Variants in TNS1 observed in about 807,000 individuals in gnomAD.
TNS1 encodes the protein tensin-1.
Under a neutral mutation model 168.6 loss-of-function variants are expected in TNS1, and 62 were observed. The observed-to-expected ratio is 0.37, with a 90% CI of 0.30 to 0.45. The LOEUF is 0.45. Among genes scored for constraint, TNS1 ranks in the 20% least tolerant of loss-of-function variants. TNS1 has a pLI of 1.00. For synonymous variants in TNS1, 934 were observed against 933.2 expected, an observed-to-expected ratio of 1.00 and a Z score of -0.02; for missense variants, 2,240 against 2,339.4, an observed-to-expected ratio of 0.96 and a Z score of 0.88.
intron 22 of TNS1, among the ~76,000 whole-genome samples, chr2:217,830,964 G>A (rs560829708): frequency 3.2e-4 from 48 of 152,250 alleles, no homozygotes; most frequent in Admixed American, 3.9e-4. Context: ...GTGATGCCTT[G>A]TGGATGCCAG....
At chr2:217,845,580 T>C (rs564144303) in intron 19 of TNS1, among the ~76,000 whole-genome samples, 4 of 152,330 alleles carry the variant, frequency 2.6e-5, no homozygotes, top group Admixed American at 1.3e-4. Context: ...CTTGAGTCAC[T>C]CCCAGTTGAT....
chr2:217,812,790 C>A (rs1189115175), intron 27 of TNS1, among the ~76,000 whole-genome samples: 1 of 152,184 alleles, frequency 6.6e-6, no homozygotes, highest in Non-Finnish European at 1.5e-5. Flanking sequence ...CACTTCTCAC[C>A]TGTTGGTTCT....
chr2:217,966,503 C>T (rs1010272200), intron 3 of TNS1, among the ~76,000 whole-genome samples: 6 of 152,156 alleles, frequency 3.9e-5, no homozygotes, highest in African/African-American at 7.2e-5. Flanking sequence ...AGTAACTTCC[C>T]CAGGGCCTGC....
At chr2:217,892,648 G>A (rs1199868959) in intron 11 of TNS1, among the ~76,000 whole-genome samples, 2 of 152,198 alleles carry the variant, frequency 1.3e-5, no homozygotes, top group Non-Finnish European at 1.5e-5. Flanking sequence ...GGAAAAAGAA[G>A]GCAGTTTGGC....
At chr2:217,883,582 T>TA (rs1187357918) in intron 16 of TNS1, among the ~76,000 whole-genome samples, 2 of 152,204 alleles carry the variant, frequency 1.3e-5, no homozygotes, top group Non-Finnish European at 1.5e-5. Flanking sequence ...TATTTATTGA[T>TA]ATGTCAATTT....
chr2:217,946,270 T>C (rs971024791), intron 3 of TNS1, among the ~76,000 whole-genome samples: 1 of 152,212 alleles, frequency 6.6e-6, no homozygotes, highest in African/African-American at 2.4e-5. Context: ...CACCTGGGGC[T>C]TCCGCGGCTC....
At chr2:217,929,578 G>A (rs994268534) in intron 3 of TNS1, among the ~76,000 whole-genome samples, 10 of 152,232 alleles carry the variant, frequency 6.6e-5, no homozygotes, top group Middle Eastern at 3.4e-3. Flanking sequence ...GGCATGACCC[G>A]TCAGCATCCT....
At chr2:217,818,846 C>G (rs900519577) in intron 23 of TNS1, 87 bp from the exon 24 acceptor site, 77 of 1,089,106 alleles carry the variant, frequency 7.1e-5, no homozygotes, top group Non-Finnish European at 9.5e-5. Flanking sequence ...TCCCTCCAAC[C>G]ATGAACAACA....
intron 3 of TNS1, among the ~76,000 whole-genome samples, chr2:217,922,481 G>A (rs1955775934): frequency 1.3e-5 from 2 of 152,218 alleles, no homozygotes; most frequent in South Asian, 2.1e-4. Context: ...GCCAGAGGAC[G>A]GGCTGATGCC....
intron 3 of TNS1, among the ~76,000 whole-genome samples, chr2:217,973,174 C>G (rs1036863417): frequency 1.3e-5 from 2 of 151,766 alleles, no homozygotes; most frequent in African/African-American, 4.8e-5. Flanking sequence ...AGCAACATGG[C>G]GAGACCCTGT....
intron 7 of TNS1, among the ~76,000 whole-genome samples, chr2:217,899,988 C>T (rs1952770563): frequency 6.6e-6 from 1 of 152,244 alleles, no homozygotes; most frequent in East Asian, 1.9e-4. Context: ...TCCCCCGGCC[C>T]CTGCCAGCCC....
At chr2:218,024,346 T>C (rs934046) in intron 1 of TNS1, among the ~76,000 whole-genome samples, 135,486 of 149,838 alleles carry the variant, frequency 0.9, 61,442 homozygotes, top group African/African-American at 0.98. Flanking sequence ...CACACTCATG[T>C]CCCTGCTTGC....
chr2:217,810,555 C>T (rs535122694), intron 28 of TNS1, among the ~76,000 whole-genome samples: 1 of 152,288 alleles, frequency 6.6e-6, no homozygotes, highest in South Asian at 2.1e-4. Flanking sequence ...ACCCTCACCC[C>T]AGCACTTACT....
At chr2:217,893,060 G>T in intron 10 of TNS1, 48 bp from the exon 11 acceptor site, 1 of 1,608,332 alleles carries the variant, frequency 6.2e-7, no homozygotes, top group Non-Finnish European at 8.5e-7. Context: ...GGCCAGCCTT[G>T]CTGCCCCAGA....
chr2:217,841,778 AG>A (rs1401507281), intron 19 of TNS1, among the ~76,000 whole-genome samples: 2 of 152,198 alleles, frequency 1.3e-5, no homozygotes, highest in Admixed American at 6.5e-5. Context: ...CCTGAGCCCA[AG>A]GGTCACCCTC....
intron 18 of TNS1, among the ~76,000 whole-genome samples, chr2:217,871,447 T>TG (rs898318372): frequency 3.3e-5 from 5 of 152,296 alleles, no homozygotes; most frequent in African/African-American, 1.2e-4. Context: ...TGAAGCCCTC[T>TG]GCTTAGATAC....
chr2:217,959,672 C>CTATTAT (rs201916561), intron 3 of TNS1, among the ~76,000 whole-genome samples: 3 of 152,106 alleles, frequency 2.0e-5, no homozygotes, highest in South Asian at 2.1e-4. Context: ...ATGATAACCA[C>CTATTAT]TATTATTATT....
At chr2:217,903,626 G>A (rs1169281931) in intron 6 of TNS1, 1 of 1,534,246 alleles carries the variant, frequency 6.5e-7, no homozygotes, top group South Asian at 1.2e-5. Context: ...TCCTTCCTTT[G>A]CTGAAAGGGC....
At position 217,847,741 on chromosome 2, in the gene TNS1, A is replaced by G. The variant is rs767179961; in HGVS notation, c.2776T>C (p.Cys926Arg). Reference protein sequence around the residue: ...RSYSPYDYQPCLAGPNQDFHS... With the variant: ...RSYSPYDYQPRLAGPNQDFHS... Reference sequence around the variant, plus strand: ...AAATCCTGGTTAGGCCCAGCCAAACATGGCTGATAGTCATAAGGTGAGTAA... The same window carrying G: ...AAATCCTGGTTAGGCCCAGCCAAACGTGGCTGATAGTCATAAGGTGAGTAA... Residue 926 changes from cysteine (C) to arginine (R), a missense_variant, in exon 19 of 33, where the codon TGT (cysteine) becomes CGT (arginine). By Grantham distance (180) the Cys-to-Arg change is radical. Around this residue, in one of 2 missense-constraint regions of TNS1, gnomAD observed 2,131 missense variants for 2,171.2 expected, o/e 0.98. Coordinates refer to ENST00000682258, the MANE Select transcript of TNS1 (RefSeq NM_001387777.1). 1 of 1,608,624 alleles carries G rather than the reference A, an allele frequency of 6.2e-7. No homozygotes were observed. The highest frequency in any genetic ancestry group is 8.5e-7 in the Non-Finnish European group (1 of 1,175,672).
Sources: allele counts gnomAD v4.1 joint callset (sites outside exome capture counted in the v4.1 genomes callset), GRCh38; gene constraint gnomAD v4.1.1; regional missense constraint gnomAD v4.1.1; transcripts MANE v1.5; gene names NCBI Gene and HGNC (gene_info 2026-07-23, HGNC 2026-07-21).